BMPR1A: variants seen among roughly 807,000 people sequenced by gnomAD.
BMPR1A encodes the protein bone morphogenetic protein receptor type 1A.
In BMPR1A, 7 loss-of-function variants were observed where a neutral mutation model predicts 66.0. The ratio of observed to expected loss-of-function variants is 0.11; its 90% confidence interval spans 0.06 to 0.20. BMPR1A has a LOEUF of 0.20. Among genes scored for constraint, BMPR1A ranks in the 10% least tolerant of loss-of-function variants. The pLI is 1.00. For missense variants in BMPR1A, 408 were observed against 669.1 expected (o/e 0.61, Z 4.31); for synonymous variants, 200 against 229.7 (o/e 0.87, Z 1.17).
At chr10:86,818,196 T>G (rs928414962) in intron 1 of BMPR1A, among the ~76,000 whole-genome samples, 3 of 152,094 alleles carry the variant, frequency 2.0e-5, no homozygotes, top group Non-Finnish European at 2.9e-5. Flanking sequence ...TTTTTGTACT[T>G]TTAGTAGAGA....
intron 2 of BMPR1A, among the ~76,000 whole-genome samples, chr10:86,847,933 T>C (rs1333901611): frequency 4.6e-5 from 7 of 151,356 alleles, no homozygotes; most frequent in Admixed American, 1.3e-4. Flanking sequence ...TAGAAAATGA[T>C]ACTTTTTTTT....
intron 1 of BMPR1A, among the ~76,000 whole-genome samples, chr10:86,837,754 T>A (rs1842373054): frequency 6.6e-6 from 1 of 152,176 alleles, no homozygotes; most frequent in Non-Finnish European, 1.5e-5. Flanking sequence ...TTGAGAAGAC[T>A]GAAAGGCTCC....
At chr10:86,777,751 T>G (rs1442971555) in intron 1 of BMPR1A, among the ~76,000 whole-genome samples, 1 of 152,086 alleles carries the variant, frequency 6.6e-6, no homozygotes, top group Non-Finnish European at 1.5e-5. Flanking sequence ...CAGTGGCTCA[T>G]GCCTGTAATC....
At chr10:86,856,542 G>C (rs1842645278) in intron 2 of BMPR1A, among the ~76,000 whole-genome samples, 1 of 152,134 alleles carries the variant, frequency 6.6e-6, no homozygotes, top group Admixed American at 6.6e-5. Flanking sequence ...GTATAACTTT[G>C]GTACCAAAAC....
At chr10:86,808,994 A>C (rs537703383) in intron 1 of BMPR1A, among the ~76,000 whole-genome samples, 1 of 152,180 alleles carries the variant, frequency 6.6e-6, no homozygotes, top group African/African-American at 2.4e-5. Flanking sequence ...TTGGAACAAA[A>C]GAACTTGAAC....
chr10:86,827,448 G>T lies in BMPR1A; in HGVS notation c.-267-11417G>T, dbSNP rs933165507. 2.0e-5 allele frequency among the ~76,000 whole-genome samples: 3 copies of T among 152,090 alleles called. No homozygotes were observed. In the South Asian group the frequency reaches 6.2e-4, roughly 32 times the overall value. ...ACCACAGTCCATTTTACTGCTGCTT[G>T]ACACCTCGGTTTCACCTAGTTTTTG... is the stretch of plus-strand genomic sequence containing the variant. On this transcript the variant is annotated intron_variant, in intron 1 of 12. Transcript: ENST00000372037.
chr10:86,777,213 A>G (rs1483536781), intron 1 of BMPR1A, among the ~76,000 whole-genome samples: 1 of 152,150 alleles, frequency 6.6e-6, no homozygotes, highest in Non-Finnish European at 1.5e-5. Context: ...CAGTTTCTCT[A>G]TTAAGAACCG....
At chr10:86,821,093 C>T (rs1451052244) in intron 1 of BMPR1A, among the ~76,000 whole-genome samples, 1 of 152,094 alleles carries the variant, frequency 6.6e-6, no homozygotes, top group Non-Finnish European at 1.5e-5. Flanking sequence ...TTTTTTCTAT[C>T]TTAATATATT....
intron 2 of BMPR1A, among the ~76,000 whole-genome samples, chr10:86,841,653 G>C (rs1029984392): frequency 2.0e-5 from 3 of 152,196 alleles, no homozygotes; most frequent in Admixed American, 1.3e-4. Context: ...CTGAAGTGAT[G>C]TCTTTTTGTA....
At chr10:86,764,264 T>G (rs1410232508) in intron 1 of BMPR1A, among the ~76,000 whole-genome samples, 1 of 152,252 alleles carries the variant, frequency 6.6e-6, no homozygotes, top group Non-Finnish European at 1.5e-5. Flanking sequence ...TTAGAAAATA[T>G]TAAAGTAAAG....
intron 3 of BMPR1A, among the ~76,000 whole-genome samples, chr10:86,879,949 G>A (rs903271121): frequency 6.6e-6 from 1 of 152,182 alleles, no homozygotes; most frequent in African/African-American, 2.4e-5. Flanking sequence ...TTTTCTGGGA[G>A]GATTTGCCTT....
intron 1 of BMPR1A, among the ~76,000 whole-genome samples, chr10:86,774,940 A>C (rs997879777): frequency 6.6e-6 from 1 of 152,238 alleles, no homozygotes; most frequent in African/African-American, 2.4e-5. Context: ...GTAATTTTCT[A>C]CCTGGGGCGT....
chr10:86,889,956 A>G, intron 3 of BMPR1A, 106 bp from the exon 4 acceptor site: 1 of 1,209,818 alleles, frequency 8.3e-7, no homozygotes, highest in Non-Finnish European at 1.2e-6. Flanking sequence ...TGCTAGCTAC[A>G]ATTATTGTGA....
chr10:86,797,833 C>T (rs1422458078), intron 1 of BMPR1A, among the ~76,000 whole-genome samples: 1 of 152,040 alleles, frequency 6.6e-6, no homozygotes, highest in African/African-American at 2.4e-5. Flanking sequence ...GCATGAGACC[C>T]GGAAGATGTT....
intron 8 of BMPR1A, among the ~76,000 whole-genome samples, chr10:86,916,389 G>A (rs117782788): frequency 0.062 from 9,434 of 152,316 alleles, 419 homozygotes; most frequent in Non-Finnish European, 0.081. Context: ...GAGCTAGGTG[G>A]TGTAGTTCAC....
intron 1 of BMPR1A, among the ~76,000 whole-genome samples, chr10:86,804,454 A>C (rs1051021520): frequency 6.6e-6 from 1 of 151,968 alleles, no homozygotes; most frequent in African/African-American, 2.4e-5. Flanking sequence ...CCTGATCTCA[A>C]ACTCATGATC....
At chr10:86,857,883 C>G (rs1842665236) in intron 2 of BMPR1A, among the ~76,000 whole-genome samples, 1 of 151,896 alleles carries the variant, frequency 6.6e-6, no homozygotes, top group Admixed American at 6.6e-5. Context: ...GTCTCAAACT[C>G]CTGGTCTCAA....
intron 2 of BMPR1A, among the ~76,000 whole-genome samples, chr10:86,874,985 C>T (rs1842902479): frequency 6.6e-6 from 1 of 151,732 alleles, no homozygotes; most frequent in South Asian, 2.1e-4. Context: ...CCACCTTGGC[C>T]TCCCAAAGTG....
intron 1 of BMPR1A, among the ~76,000 whole-genome samples, chr10:86,817,226 T>C (rs1842047140): frequency 6.6e-6 from 1 of 152,218 alleles, no homozygotes; most frequent in Non-Finnish European, 1.5e-5. Flanking sequence ...ATACTCATCT[T>C]GTAAAGCTGA....
Sources: allele counts gnomAD v4.1 joint callset (sites outside exome capture counted in the v4.1 genomes callset), GRCh38; gene constraint gnomAD v4.1.1; transcripts MANE v1.5; gene names NCBI Gene and HGNC (gene_info 2026-07-23, HGNC 2026-07-21).